The following ELP1 variants were observed in gnomAD, a reference collection of about 807,000 sequenced individuals.
The protein encoded by ELP1 is elongator acetyltransferase complex subunit 1.
Under a neutral mutation model 183.2 loss-of-function variants are expected in ELP1, and 131 were observed. The observed-to-expected ratio is 0.72, with a 90% CI of 0.62 to 0.83. The LOEUF is 0.83. ELP1 is among the 40% of genes least tolerant of loss of function. ELP1 has a pLI of 0.00. For synonymous variants in ELP1, 555 were observed against 569.0 expected, an observed-to-expected ratio of 0.98 and a Z score of 0.35; for missense variants, 1,550 against 1,594.9, an observed-to-expected ratio of 0.97 and a Z score of 0.48.
chr9:108,891,514 C>T (rs1828336582), intron 27 of ELP1, 110 bp from the exon 28 acceptor site: 4 of 986,120 alleles, frequency 4.1e-6, no homozygotes, highest in Non-Finnish European at 4.7e-6. Context: ...GAAAGAATTA[C>T]CTGGGAAAAT....
rs1478424705 is a variant in ELP1 at position 108,901,614 on chromosome 9, C to T, written c.1908+14G>A. The T allele has an allele frequency of 7.4e-6, 12 of 1,613,952 alleles. No individual in the cohort carries two copies. Among genetic ancestry groups the T allele is most frequent in the East Asian group, 2.2e-5 (1 of 44,896 alleles). On this transcript the variant is annotated intron_variant, in intron 17 of 36. Transcript: ENST00000374647. Reference sequence around the variant, plus strand: ...ACTGTGAAAAGGATCCAACACCAAACCAAGCCTTGATACCTCAATGTCATT... The same window carrying T: ...ACTGTGAAAAGGATCCAACACCAAATCAAGCCTTGATACCTCAATGTCATT...
At chr9:108,896,073 C>T (rs935978438) in intron 25 of ELP1, among the ~76,000 whole-genome samples, 4 of 152,072 alleles carry the variant, frequency 2.6e-5, no homozygotes, top group African/African-American at 9.7e-5. Flanking sequence ...CTGGCTAACA[C>T]AGTGAAACCC....
chr9:108,925,114 C>A (rs1431922558), intron 5 of ELP1, among the ~76,000 whole-genome samples: 1 of 152,132 alleles, frequency 6.6e-6, no homozygotes, highest in Non-Finnish European at 1.5e-5. Flanking sequence ...ATTCCTGTAG[C>A]AACCTCCTAC....
intron 13 of ELP1, 25 bp from the exon 14 acceptor site, chr9:108,906,510 C>G (rs1314356582): frequency 6.3e-7 from 1 of 1,597,496 alleles, no homozygotes; most frequent in Middle Eastern, 1.7e-4. Context: ...GAAGAATATC[C>G]AAGACATGAA....
rs1830053778 is a variant in ELP1 at position 108,933,124 on chromosome 9, C to T, written c.-56+740G>A. 2.6e-5 allele frequency among the ~76,000 whole-genome samples: 4 copies of T among 152,192 alleles called. No individual in the cohort carries two copies. In the South Asian group the frequency reaches 8.3e-4, roughly 32 times the overall value. Reference sequence around the variant, plus strand: ...TTCAACCTCCTGATAGAATCACAAGCATGTCTCACATGCACATCAAATGCG... The same window carrying T: ...TTCAACCTCCTGATAGAATCACAAGTATGTCTCACATGCACATCAAATGCG... On this transcript the variant is annotated intron_variant, in intron 1 of 36. Transcript: ENST00000374647.
chr9:108,927,509 T>C (rs1829858397), intron 3 of ELP1, 56 bp from the exon 4 acceptor site: 1 of 1,306,934 alleles, frequency 7.7e-7, no homozygotes, highest in African/African-American at 1.5e-5. Flanking sequence ...CAGTAAAAAC[T>C]GACTGCAACT....
intron 9 of ELP1, among the ~76,000 whole-genome samples, chr9:108,917,156 TATCCATATCAAATATAA>T (rs2132026815): frequency 6.6e-6 from 1 of 152,338 alleles, no homozygotes; most frequent in East Asian, 1.9e-4. Flanking sequence ...ACTATTTATA[TATCCATATCAAATATAA>T]ATCCCCTCTA....
intron 20 of ELP1, 78 bp downstream of exon 20, chr9:108,899,744 G>A (rs1029878412): frequency 1.5e-5 from 18 of 1,182,428 alleles, no homozygotes; most frequent in African/African-American, 4.6e-5. Flanking sequence ...TTAAGTTCTC[G>A]AAATTGTAAT....
At chr9:108,932,910 T>A (rs956132424) in intron 1 of ELP1, among the ~76,000 whole-genome samples, 1 of 152,210 alleles carries the variant, frequency 6.6e-6, no homozygotes, top group Admixed American at 6.5e-5. Context: ...ACACCAAAGG[T>A]CAATCGTGGA....
At position 108,901,528 on chromosome 9, in the gene ELP1, A is replaced by C. The variant is rs369645371; in HGVS notation, c.1911T>G (p.Val637=). Reference sequence around the variant, plus strand: ...CTGCAAATGACGTGATATTTGACGCAACCTGCAAGAGAAGGCCAGAGAGGC... The same window carrying C: ...CTGCAAATGACGTGATATTTGACGCCACCTGCAAGAGAAGGCCAGAGAGGC... The part of the protein sequence containing the change: ...RCRFFINDIE[V]ASNITSFAVY... Residue 637 remains valine, a splice_region_variant and synonymous_variant, in exon 18 of 37, where the codon GTT becomes GTG. Transcript: ENST00000374647. 2.5e-6 allele frequency: 4 copies of C among 1,613,796 alleles called. No homozygotes were observed. Among genetic ancestry groups the C allele is most frequent in the Non-Finnish European group, 3.4e-6 (4 of 1,179,644 alleles).
At chr9:108,914,317 T>C (rs1376514378) in intron 10 of ELP1, among the ~76,000 whole-genome samples, 1 of 132,784 alleles carries the variant, frequency 7.5e-6, no homozygotes, top group Non-Finnish European at 1.5e-5. Flanking sequence ...GAAAATGGAG[T>C]GAACCCGGGA....
chr9:108,929,758 C>T lies in ELP1; in HGVS notation c.303+11G>A, dbSNP rs549703822. On this transcript the variant is annotated intron_variant, in intron 3 of 36. Coordinates refer to ENST00000374647, the MANE Select transcript of ELP1 (RefSeq NM_003640.5). ...CTTGAGACTCCCCCCTCACTGGAGT[C>T]TTCCACTTACCTGTTGTGTGCTGAG... The T allele has an allele frequency of 4.0e-5, 64 of 1,614,032 alleles. No homozygotes were observed. Among genetic ancestry groups the T allele is most frequent in the South Asian group, 6.6e-5 (6 of 91,076 alleles).
At chr9:108,901,951 A>G (rs1299986637) in intron 16 of ELP1, among the ~76,000 whole-genome samples, 2 of 152,278 alleles carry the variant, frequency 1.3e-5, no homozygotes, top group African/African-American at 4.8e-5. Context: ...ACCGGTGTTG[A>G]TCCCATATTC....
Position 108,885,020 on chromosome 9 carries a change from G to A in ELP1, c.3223-2833C>T, listed in dbSNP as rs533664910. On this transcript the variant is annotated intron_variant, in intron 29 of 36. Transcript: ENST00000374647. ...AGCTTGAATGTAGGAGTTTGAGACT[G>A]CAGTGAACCATGATCGTGCCACTGC... Among the ~76,000 whole-genome samples the A allele has an allele frequency of 7.0e-4, 107 of 152,184 alleles. 3 individuals are homozygous for A. The South Asian group carries it at 0.021, about 30-fold the overall frequency.
chr9:108,911,185 A>G lies in ELP1; in HGVS notation c.1190-5T>C, dbSNP rs1348750667. On this transcript the variant is annotated splice_polypyrimidine_tract_variant and splice_region_variant and intron_variant, in intron 11 of 36. Transcript: ENST00000374647. ...AGACTGTCACCAACACCCTGTCTGC[A>G]GTGAAAAAGAAAGAAGAGGATTAGA... 6.2e-7 allele frequency: 1 copy of G among 1,613,910 alleles called. No individual in the cohort carries two copies. Among genetic ancestry groups the G allele is most frequent in the African/African-American group, 1.3e-5 (1 of 74,942 alleles).
intron 20 of ELP1, among the ~76,000 whole-genome samples, chr9:108,899,538 G>A (rs1283002983): frequency 6.6e-6 from 1 of 151,884 alleles, no homozygotes; most frequent in African/African-American, 2.4e-5. Context: ...AATCTCCCTG[G>A]GTTCACAGGC....
At chr9:108,916,504 T>C (rs915482827) in intron 9 of ELP1, among the ~76,000 whole-genome samples, 6 of 152,176 alleles carry the variant, frequency 3.9e-5, no homozygotes, top group Admixed American at 6.5e-5. Context: ...AAATACATTA[T>C]GCTTAAAGAT....
chr9:108,922,881 A>T lies in ELP1; in HGVS notation c.513T>A (p.His171Gln). ...VGWGRKETQF[H>Q]GSEGRQAAFQ... ...AAGCTGCTTGTCTGCCTTCTGATCCATGGAACTGTGTCTCCTTCCTACCCC... is the reference window on the plus strand; with the variant it reads ...AAGCTGCTTGTCTGCCTTCTGATCCTTGGAACTGTGTCTCCTTCCTACCCC... Residue 171 changes from histidine to glutamine, a missense_variant, in exon 6 of 37, where the codon CAT becomes CAA. His to Gln is a conservative substitution (Grantham distance 24, BLOSUM62 0). Coordinates refer to ENST00000374647, the MANE Select transcript of ELP1 (RefSeq NM_003640.5). The T allele has an allele frequency of 6.2e-7, 1 of 1,614,082 alleles. No homozygotes were observed. The highest frequency in any genetic ancestry group is 8.5e-7 in the Non-Finnish European group (1 of 1,179,924).
intron 36 of ELP1, 40 bp from the exon 37 acceptor site, chr9:108,869,222 T>C: frequency 1.3e-6 from 2 of 1,572,916 alleles, no homozygotes; most frequent in Non-Finnish European, 1.8e-6. Flanking sequence ...ACAGACATAC[T>C]CTTGTTGGAG....
Sources: gnomAD v4.1 joint callset for allele counts (sites outside exome capture counted in the v4.1 genomes callset) on GRCh38, gnomAD v4.1.1 for gene constraint, MANE v1.5 for transcripts, NCBI Gene and HGNC (gene_info 2026-07-23, HGNC 2026-07-21) for gene names.